ERBB4: variants seen among roughly 807,000 people sequenced by gnomAD.
ERBB4 encodes erb-b2 receptor tyrosine kinase 4.
In ERBB4, 42 loss-of-function variants were observed where a neutral mutation model predicts 158.0. The observed-to-expected ratio is 0.27, with a 90% CI of 0.21 to 0.34. ERBB4 has a LOEUF of 0.34. ERBB4 is among the 10% of genes least tolerant of loss of function. The probability of loss-of-function intolerance (pLI) is 1.00; values close to 1 mark genes in which losing one functional copy is unlikely to be tolerated. For missense variants in ERBB4, 1,333 were observed against 1,624.1 expected (o/e 0.82, Z 3.08); for synonymous variants, 583 against 558.7 (o/e 1.04, Z -0.61).
intron 19 of ERBB4, among the ~76,000 whole-genome samples, chr2:211,603,345 G>T (rs1490748370): frequency 1.3e-5 from 2 of 152,046 alleles, no homozygotes; most frequent in African/African-American, 4.8e-5. Context: ...AAGAGAATTC[G>T]AGTCATACAC....
chr2:211,623,672 T>C (rs1427837303), intron 18 of ERBB4, among the ~76,000 whole-genome samples: 1 of 152,020 alleles, frequency 6.6e-6, no homozygotes, highest in Non-Finnish European at 1.5e-5. Flanking sequence ...CTCAGAAAGG[T>C]ATTAAGAAAA....
intron 1 of ERBB4, among the ~76,000 whole-genome samples, chr2:212,360,740 A>G (rs535232567): frequency 1.3e-5 from 2 of 151,732 alleles, no homozygotes; most frequent in Non-Finnish European, 2.9e-5. Context: ...TAAAATCTAC[A>G]TAAGATTACT....
chr2:212,206,762 G>C (rs1223936738), intron 1 of ERBB4, among the ~76,000 whole-genome samples: 1 of 151,320 alleles, frequency 6.6e-6, no homozygotes, highest in Admixed American at 6.6e-5. Context: ...AATTTTTTTT[G>C]TATTTTTAGT....
chr2:211,962,075 T>C (rs1231548017), intron 2 of ERBB4, among the ~76,000 whole-genome samples: 1 of 152,130 alleles, frequency 6.6e-6, no homozygotes, highest in Admixed American at 6.6e-5. Flanking sequence ...TTTCTTGATG[T>C]AGATTGACAG....
chr2:211,415,558 TTC>T (rs1263995204), intron 25 of ERBB4, among the ~76,000 whole-genome samples: 1 of 152,214 alleles, frequency 6.6e-6, no homozygotes, highest in Non-Finnish European at 1.5e-5. Flanking sequence ...TTGCATTTCT[TTC>T]TTTTTATGCA....
At chr2:212,324,222 C>T (rs1222191510) in intron 1 of ERBB4, among the ~76,000 whole-genome samples, 1 of 150,330 alleles carries the variant, frequency 6.7e-6, no homozygotes, top group African/African-American at 2.4e-5. Context: ...CATAGTTAAG[C>T]CTCTAGAAAA....
intron 2 of ERBB4, among the ~76,000 whole-genome samples, chr2:211,984,289 T>C (rs1343095960): frequency 6.6e-6 from 1 of 152,156 alleles, no homozygotes; most frequent in African/African-American, 2.4e-5. Flanking sequence ...TTTTTAATAT[T>C]ATCATACCAG....
rs558840417 is a variant in ERBB4, at chr2:212,094,840, G to A, written c.234+29912C>T. Among the ~76,000 whole-genome samples, 7 of 152,150 alleles carry A rather than the reference G, an allele frequency of 4.6e-5. No individual in the cohort carries two copies. In the South Asian group the frequency reaches 1.0e-3, roughly 23 times the overall value. ...AACATAGTCCATAAATAAAATTCTC[G>A]AGGTTAGTGAAATTATAGACATATA... On this transcript the variant is annotated intron_variant, in intron 2 of 27. Coordinates refer to ENST00000342788, the MANE Select transcript of ERBB4 (RefSeq NM_005235.3).
At chr2:212,336,894 T>G (rs1018032167) in intron 1 of ERBB4, among the ~76,000 whole-genome samples, 15 of 152,060 alleles carry the variant, frequency 9.9e-5, no homozygotes, top group African/African-American at 3.4e-4. Flanking sequence ...AAATATAGAT[T>G]TTGATTAAGT....
chr2:212,233,574 A>G (rs1001623568), intron 1 of ERBB4, among the ~76,000 whole-genome samples: 2 of 152,184 alleles, frequency 1.3e-5, no homozygotes, highest in Non-Finnish European at 2.9e-5. Context: ...CATGCCGATT[A>G]GACAGATTTA....
chr2:211,871,189 A>G (rs1003581457), intron 3 of ERBB4, among the ~76,000 whole-genome samples: 7 of 152,214 alleles, frequency 4.6e-5, no homozygotes, highest in African/African-American at 1.7e-4. Flanking sequence ...ACAGAGGTAG[A>G]AGATGTGAGT....
chr2:212,517,250 G>C (rs1444480255), intron 1 of ERBB4, among the ~76,000 whole-genome samples: 1 of 152,044 alleles, frequency 6.6e-6, no homozygotes. Context: ...AGAGTAGACA[G>C]CAATGTGAAG....
chr2:211,852,553 T>C (rs2077743799), intron 3 of ERBB4, among the ~76,000 whole-genome samples: 1 of 151,902 alleles, frequency 6.6e-6, no homozygotes, highest in African/African-American at 2.4e-5. Context: ...TACATTGTTT[T>C]GTTCAACATC....
intron 2 of ERBB4, among the ~76,000 whole-genome samples, chr2:212,112,103 C>T (rs151146668): frequency 2.4e-4 from 36 of 152,250 alleles, no homozygotes; most frequent in African/African-American, 6.5e-4. Context: ...TAGCTCCTTA[C>T]AGCCTCAAAC....
chr2:211,532,153 G>T (rs1042398075), intron 20 of ERBB4, among the ~76,000 whole-genome samples: 2 of 149,244 alleles, frequency 1.3e-5, no homozygotes, highest in African/African-American at 2.6e-5. Context: ...AAGGGTTGTG[G>T]GGGGGGAAAG....
chr2:211,960,753 G>A (rs1418362807), intron 2 of ERBB4: 2 of 151,988 alleles, frequency 1.3e-5, no homozygotes, highest in African/African-American at 2.4e-5. Flanking sequence ...TTTTTATAGA[G>A]TCATTAATTC....
chr2:211,671,835 C>T lies in ERBB4; in HGVS notation c.1716+1329G>A, dbSNP rs146019059. ...AAATGCACTTCCCTGTGTTTCATGA[C>T]ATTCTTTACAGAATTCATATTTCTC... On this transcript the variant is annotated intron_variant, in intron 14 of 27. Coordinates refer to ENST00000342788, the MANE Select transcript of ERBB4 (RefSeq NM_005235.3). Among the ~76,000 whole-genome samples the T allele has an allele frequency of 4.3e-3, 648 of 152,244 alleles. 5 individuals are homozygous for T. The highest frequency in any genetic ancestry group is 0.015 in the African/African-American group (629 of 41,564).
chr2:211,648,906 A>G (rs1311755383), intron 16 of ERBB4, among the ~76,000 whole-genome samples: 1 of 151,870 alleles, frequency 6.6e-6, no homozygotes, highest in Non-Finnish European at 1.5e-5. Context: ...TAATGCAATT[A>G]GGAACAGGTG....
chr2:211,676,771 T>C (rs2072092529), intron 13 of ERBB4, among the ~76,000 whole-genome samples: 1 of 151,562 alleles, frequency 6.6e-6, no homozygotes, highest in Non-Finnish European at 1.5e-5. Context: ...TTTAATGTAA[T>C]ATTCACTTAA....
Sources: allele counts gnomAD v4.1 joint callset (sites outside exome capture counted in the v4.1 genomes callset), GRCh38; gene constraint gnomAD v4.1.1; transcripts MANE v1.5; gene names NCBI Gene and HGNC (gene_info 2026-07-23, HGNC 2026-07-21).